PPM1L: variants seen among roughly 807,000 people sequenced by gnomAD.
PPM1L encodes protein phosphatase 1L.
In PPM1L, 13 loss-of-function variants were observed where a neutral mutation model predicts 31.4. That is an observed-to-expected ratio of 0.41 (90% CI 0.27 to 0.66). The LOEUF (loss-of-function observed/expected upper bound fraction) is 0.66, where lower values mean the gene tolerates loss of function less well. Ranked by LOEUF, PPM1L falls within the 30% of genes least tolerant of loss-of-function variation. The pLI is 0.29. For missense variants in PPM1L, 326 were observed against 453.7 expected, an observed-to-expected ratio of 0.72 and a Z score of 2.56; for synonymous variants, 184 against 175.4, an observed-to-expected ratio of 1.05 and a Z score of -0.39.
chr3:161,063,289 T>C (rs902949197), intron 2 of PPM1L, among the ~76,000 whole-genome samples: 20 of 152,224 alleles, frequency 1.3e-4, no homozygotes, highest in Admixed American at 7.2e-4. Context: ...TTCATTCTTA[T>C]AGCTTTTTAA....
At chr3:160,950,585 C>A (rs1425706761) in intron 1 of PPM1L, among the ~76,000 whole-genome samples, 3 of 152,180 alleles carry the variant, frequency 2.0e-5, no homozygotes, top group Non-Finnish European at 4.4e-5. Context: ...CTGGCCACAC[C>A]TGCCTCCTGG....
At chr3:160,964,795 A>G (rs1716080170) in intron 2 of PPM1L, among the ~76,000 whole-genome samples, 2 of 152,048 alleles carry the variant, frequency 1.3e-5, no homozygotes, top group Admixed American at 6.6e-5. Flanking sequence ...ATGTGTATGC[A>G]TGAGTGAATG....
chr3:160,952,008 T>A (rs912008846), intron 1 of PPM1L, among the ~76,000 whole-genome samples: 1 of 152,210 alleles, frequency 6.6e-6, no homozygotes. Context: ...CTTGAAGGAA[T>A]CACATTTGCC....
chr3:160,834,109 C>T (rs927090032), intron 1 of PPM1L, among the ~76,000 whole-genome samples: 36 of 150,846 alleles, frequency 2.4e-4, no homozygotes, highest in Non-Finnish European at 4.0e-4. Context: ...CTGCAAGCTC[C>T]GCCTCCTGGG....
chr3:160,803,622 A>G (rs1038665102), intron 1 of PPM1L, among the ~76,000 whole-genome samples: 1 of 152,042 alleles, frequency 6.6e-6, no homozygotes, highest in Non-Finnish European at 1.5e-5. Context: ...GTTCATACTA[A>G]TATATGTAGA....
chr3:160,867,653 G>A (rs1712142799), intron 1 of PPM1L, among the ~76,000 whole-genome samples: 1 of 151,966 alleles, frequency 6.6e-6, no homozygotes, highest in South Asian at 2.1e-4. Flanking sequence ...TGTTAATGAA[G>A]TACTTGAAAA....
chr3:160,946,287 A>G (rs1350379993), intron 1 of PPM1L, among the ~76,000 whole-genome samples: 1 of 152,172 alleles, frequency 6.6e-6, no homozygotes, highest in Non-Finnish European at 1.5e-5. Flanking sequence ...GCAAGGACAC[A>G]TCTACAAAAC....
intron 1 of PPM1L, among the ~76,000 whole-genome samples, chr3:160,903,539 C>A (rs192111528): frequency 1.0e-3 from 154 of 152,240 alleles, no homozygotes; most frequent in African/African-American, 3.6e-3. Flanking sequence ...TTGACCAAAA[C>A]AACTGATCAC....
chr3:160,998,325 CT>C (rs1263283360), intron 2 of PPM1L, among the ~76,000 whole-genome samples: 3 of 152,186 alleles, frequency 2.0e-5, no homozygotes, highest in Non-Finnish European at 4.4e-5. Context: ...CTGTGTCTCA[CT>C]AGTTGTTAAT....
rs139332297 is a variant in PPM1L at position 160,801,912 on chromosome 3, C to G, written c.399+45205C>G. ...TCATTTCCAGCATTCCTTCCTGTTTCTTCTTACTTTTAGCCACCGCCTAAT... is the reference window on the plus strand; with the variant it reads ...TCATTTCCAGCATTCCTTCCTGTTTGTTCTTACTTTTAGCCACCGCCTAAT... On this transcript the variant is annotated intron_variant, in intron 1 of 3. Transcript: ENST00000498165. Among the ~76,000 whole-genome samples the G allele has an allele frequency of 3.9e-4, 59 of 152,212 alleles. No homozygotes were observed. In the East Asian group the frequency reaches 9.9e-3, roughly 25 times the overall value.
At chr3:160,944,709 T>C in intron 1 of PPM1L, among the ~76,000 whole-genome samples, 1 of 129,912 alleles carries the variant, frequency 7.7e-6, no homozygotes, top group South Asian at 2.2e-4. Context: ...ATTTTATATA[T>C]AATATATATG....
At chr3:160,843,426 T>TTATTTATA (rs1713959326) in intron 1 of PPM1L, among the ~76,000 whole-genome samples, 1 of 47,538 alleles carries the variant, frequency 2.1e-5, no homozygotes, top group Non-Finnish European at 4.0e-5. Context: ...GGCAATTCTT[T>TTATTTATA]TATATATATA....
At chr3:161,029,748 A>G (rs1718506978) in intron 2 of PPM1L, among the ~76,000 whole-genome samples, 1 of 152,144 alleles carries the variant, frequency 6.6e-6, no homozygotes, top group African/African-American at 2.4e-5. Flanking sequence ...CACCCTTAAT[A>G]TACACAGCCC....
intron 1 of PPM1L, among the ~76,000 whole-genome samples, chr3:160,840,920 A>G (rs762831783): frequency 4.6e-5 from 7 of 152,168 alleles, no homozygotes; most frequent in Non-Finnish European, 1.0e-4. Flanking sequence ...GATCTTCCTT[A>G]TTGAGTCGAC....
intron 1 of PPM1L, among the ~76,000 whole-genome samples, chr3:160,778,794 T>C (rs1711645465): frequency 6.6e-6 from 1 of 152,200 alleles, no homozygotes; most frequent in African/African-American, 2.4e-5. Flanking sequence ...AGGACAGCCC[T>C]GTGCAACCCA....
At chr3:161,043,098 T>G (rs1718959106) in intron 2 of PPM1L, among the ~76,000 whole-genome samples, 1 of 151,082 alleles carries the variant, frequency 6.6e-6, no homozygotes, top group Non-Finnish European at 1.5e-5. Context: ...GAAAATAGAC[T>G]GGTAACAAGT....
chr3:160,949,738 G>A (rs1715516059), intron 1 of PPM1L, among the ~76,000 whole-genome samples: 1 of 152,164 alleles, frequency 6.6e-6, no homozygotes, highest in South Asian at 2.1e-4. Flanking sequence ...TAGTGGGAAG[G>A]CAAATAGGTG....
chr3:161,054,603 A>G (rs541932788), intron 2 of PPM1L, among the ~76,000 whole-genome samples: 32 of 152,260 alleles, frequency 2.1e-4, no homozygotes, highest in Admixed American at 1.8e-3. Context: ...ACAAGGTAGC[A>G]ATGGCCTGCC....
intron 2 of PPM1L, among the ~76,000 whole-genome samples, chr3:161,029,979 A>G (rs1039066800): frequency 6.6e-6 from 1 of 152,340 alleles, no homozygotes; most frequent in Non-Finnish European, 1.5e-5. Context: ...ACTGAGCACA[A>G]GCTGGCCCAT....
Sources: gnomAD v4.1 joint callset for allele counts (sites outside exome capture counted in the v4.1 genomes callset) on GRCh38, gnomAD v4.1.1 for gene constraint, MANE v1.5 for transcripts, NCBI Gene and HGNC (gene_info 2026-07-23, HGNC 2026-07-21) for gene names.